RSPO2: variants seen among roughly 807,000 people sequenced by gnomAD.
RSPO2 encodes the protein R-spondin-2.
In RSPO2, 14 loss-of-function variants were observed where a neutral mutation model predicts 30.9. The observed-to-expected ratio is 0.45, with a 90% CI of 0.30 to 0.71. The LOEUF is 0.71. Among genes scored for constraint, RSPO2 ranks in the 30% least tolerant of loss-of-function variants. The pLI is 0.08. For missense variants in RSPO2, 264 were observed against 301.9 expected (o/e 0.87, Z 0.93); for synonymous variants, 107 against 96.4 (o/e 1.11, Z -0.64).
At chr8:108,061,601 C>T (rs1214207179) in intron 2 of RSPO2, among the ~76,000 whole-genome samples, 1 of 151,794 alleles carries the variant, frequency 6.6e-6, no homozygotes, top group Non-Finnish European at 1.5e-5. Context: ...CTTTAACACC[C>T]CACTGTCAAC....
At position 107,915,239 on chromosome 8, in the gene RSPO2, A is replaced by T. The variant is rs1280004137; in HGVS notation, c.617-14049T>A. Reference sequence around the variant, plus strand: ...ATATCCTTAAATGTAAAACCAAAAAATCTGGATATTTAAAAATTATTGGAG... The same window carrying T: ...ATATCCTTAAATGTAAAACCAAAAATTCTGGATATTTAAAAATTATTGGAG... On this transcript the variant is annotated intron_variant, in intron 5 of 5. Coordinates refer to ENST00000276659, the MANE Select transcript of RSPO2 (RefSeq NM_178565.5). 2.0e-5 allele frequency among the ~76,000 whole-genome samples: 3 copies of T among 152,306 alleles called. No homozygotes were observed. The East Asian group carries it at 5.8e-4, about 29-fold the overall frequency.
chr8:108,042,761 A>G (rs1376706028), intron 2 of RSPO2, among the ~76,000 whole-genome samples: 1 of 152,114 alleles, frequency 6.6e-6, no homozygotes, highest in Non-Finnish European at 1.5e-5. Context: ...AGGGTCACAG[A>G]TGAAGGATGC....
At chr8:108,004,219 G>C (rs1190066438) in intron 2 of RSPO2, among the ~76,000 whole-genome samples, 2 of 152,168 alleles carry the variant, frequency 1.3e-5, no homozygotes, top group Admixed American at 6.5e-5. Flanking sequence ...AGGTTAAAGA[G>C]AAATCTTCAG....
chr8:107,907,524 T>G (rs1049797745), intron 5 of RSPO2, among the ~76,000 whole-genome samples: 4 of 152,212 alleles, frequency 2.6e-5, no homozygotes, highest in Non-Finnish European at 5.9e-5. Flanking sequence ...AAAGGGTCAC[T>G]TAGTCATTTC....
chr8:108,031,243 A>G (rs1411848456), intron 2 of RSPO2, among the ~76,000 whole-genome samples: 1 of 152,238 alleles, frequency 6.6e-6, no homozygotes, highest in Non-Finnish European at 1.5e-5. Context: ...TAAAGAGGGT[A>G]CTTAAAAGAT....
intron 5 of RSPO2, among the ~76,000 whole-genome samples, chr8:107,901,392 C>CTGAT (rs369491065): frequency 4.5e-4 from 68 of 152,336 alleles, no homozygotes; most frequent in African/African-American, 1.6e-3. Flanking sequence ...AAAACAGAGA[C>CTGAT]TGATTTTCCT....
At chr8:108,058,612 A>C (rs1047826705) in intron 2 of RSPO2, among the ~76,000 whole-genome samples, 48 of 152,152 alleles carry the variant, frequency 3.2e-4, no homozygotes, top group Non-Finnish European at 6.3e-4. Flanking sequence ...ACAAGGCTAC[A>C]GTAACCAAAA....
At chr8:107,999,871 T>C (rs956718592) in intron 2 of RSPO2, among the ~76,000 whole-genome samples, 1 of 152,084 alleles carries the variant, frequency 6.6e-6, no homozygotes, top group Non-Finnish European at 1.5e-5. Flanking sequence ...TACTCTCCAG[T>C]GCCAGCACCA....
At chr8:107,937,104 T>C (rs1812743746) in intron 5 of RSPO2, among the ~76,000 whole-genome samples, 2 of 151,914 alleles carry the variant, frequency 1.3e-5, no homozygotes, top group African/African-American at 4.8e-5. Context: ...TTTTTACTAG[T>C]AGTTTTATGG....
At chr8:107,994,562 A>G (rs1814952063) in intron 2 of RSPO2, among the ~76,000 whole-genome samples, 1 of 152,076 alleles carries the variant, frequency 6.6e-6, no homozygotes, top group African/African-American at 2.4e-5. Context: ...ACTCTTTCCT[A>G]TAGCTGGTAT....
At chr8:108,042,580 TA>T (rs754313035) in intron 2 of RSPO2, among the ~76,000 whole-genome samples, 2 of 151,768 alleles carry the variant, frequency 1.3e-5, no homozygotes, top group Non-Finnish European at 2.9e-5. Context: ...GAACTAGCTG[TA>T]AAAAAAAGAA....
At chr8:108,062,203 G>A (rs1290211774) in intron 2 of RSPO2, among the ~76,000 whole-genome samples, 4 of 151,678 alleles carry the variant, frequency 2.6e-5, no homozygotes, top group African/African-American at 9.7e-5. Context: ...AACTGAAGGA[G>A]ATAGAGACAT....
At chr8:108,056,134 G>T (rs1345080946) in intron 2 of RSPO2, among the ~76,000 whole-genome samples, 2 of 152,110 alleles carry the variant, frequency 1.3e-5, no homozygotes, top group African/African-American at 4.8e-5. Flanking sequence ...AGGGGAATTG[G>T]TTTTTTCTTG....
intron 2 of RSPO2, among the ~76,000 whole-genome samples, chr8:108,005,182 G>GCAT (rs887603416): frequency 3.9e-5 from 6 of 152,168 alleles, no homozygotes; most frequent in African/African-American, 1.2e-4. Context: ...TTTTTTCTGT[G>GCAT]CATCATCTTA....
chr8:107,943,685 G>T (rs1360561547), intron 5 of RSPO2, among the ~76,000 whole-genome samples: 1 of 152,174 alleles, frequency 6.6e-6, no homozygotes, highest in Non-Finnish European at 1.5e-5. Context: ...CATATTTGAT[G>T]ACTATATTAA....
chr8:108,063,013 G>A (rs1586670960), intron 2 of RSPO2, among the ~76,000 whole-genome samples: 1 of 151,736 alleles, frequency 6.6e-6, no homozygotes, highest in Non-Finnish European at 1.5e-5. Context: ...AATAAATTAG[G>A]TATTGATAGG....
chr8:107,994,894 T>G (rs1458784757), intron 2 of RSPO2, among the ~76,000 whole-genome samples: 1 of 152,104 alleles, frequency 6.6e-6, no homozygotes, highest in Admixed American at 6.6e-5. Flanking sequence ...TGTCATTCCT[T>G]TATTATAACA....
At chr8:108,040,807 T>A (rs1223667216) in intron 2 of RSPO2, among the ~76,000 whole-genome samples, 1 of 152,142 alleles carries the variant, frequency 6.6e-6, no homozygotes, top group Non-Finnish European at 1.5e-5. Flanking sequence ...AAGGGTGGAT[T>A]TGATTCCTCA....
At chr8:107,956,483 A>G (rs1013970602) in intron 5 of RSPO2, among the ~76,000 whole-genome samples, 1 of 152,216 alleles carries the variant, frequency 6.6e-6, no homozygotes, top group African/African-American at 2.4e-5. Context: ...CTAAGACAGT[A>G]TGTTGTTGTT....
Sources: allele counts gnomAD v4.1 joint callset (sites outside exome capture counted in the v4.1 genomes callset), GRCh38; gene constraint gnomAD v4.1.1; transcripts MANE v1.5; gene names NCBI Gene and HGNC (gene_info 2026-07-23, HGNC 2026-07-21).